The following ACCSL variants were observed in gnomAD, a reference collection of about 807,000 sequenced individuals.
The protein encoded by ACCSL is probable inactive 1-aminocyclopropane-1-carboxylate synthase-like protein 2.
ACCSL carries 55 observed loss-of-function variants against 61.7 expected under a neutral mutation model. The observed-to-expected ratio is 0.89, with a 90% CI of 0.72 to 1.12. ACCSL has a LOEUF of 1.12. Among genes scored for constraint, ACCSL ranks in the 50% most tolerant of loss-of-function variants. ACCSL has a pLI of 0.00. For missense variants in ACCSL, 632 were observed against 698.0 expected, an observed-to-expected ratio of 0.91 and a Z score of 1.07; for synonymous variants, 258 against 264.3, an observed-to-expected ratio of 0.98 and a Z score of 0.23.
At chr11:43,952,009 A>C in the ACCSL span, among the ~76,000 whole-genome samples, 1 of 149,728 alleles carries the variant, frequency 6.7e-6, no homozygotes, top group Non-Finnish European at 1.5e-5. Flanking sequence ...TCAGAAAAAG[A>C]AAAAAAAAAG....
the ACCSL span, among the ~76,000 whole-genome samples, chr11:43,990,429 G>A: frequency 6.6e-6 from 1 of 152,070 alleles, no homozygotes; most frequent in Non-Finnish European, 1.5e-5. Flanking sequence ...GTTTCCTCGC[G>A]AGGTAGAAGG....
At chr11:43,967,167 C>CTTTTTTTTTTTTTTTTTTTTTTTTT in the ACCSL span, among the ~76,000 whole-genome samples, 1 of 62,694 alleles carries the variant, frequency 1.6e-5, no homozygotes, top group African/African-American at 6.8e-5. Flanking sequence ...TCTTCTTCTT[C>CTTTTTTTTTTTTTTTTTTTTTTTTT]TTTTTTTTTT....
At chr11:44,006,665 C>A in the ACCSL span, among the ~76,000 whole-genome samples, 1 of 151,926 alleles carries the variant, frequency 6.6e-6, no homozygotes, top group African/African-American at 2.4e-5. Context: ...ACCATCACAT[C>A]TGGCTAATTT....
At chr11:44,036,475 C>A in the ACCSL span, among the ~76,000 whole-genome samples, 1 of 152,146 alleles carries the variant, frequency 6.6e-6, no homozygotes, top group Non-Finnish European at 1.5e-5. Context: ...ACCCAGGGCC[C>A]AGTATTACAG....
At chr11:44,025,777 T>A in the ACCSL span, among the ~76,000 whole-genome samples, 1 of 152,338 alleles carries the variant, frequency 6.6e-6, no homozygotes, top group African/African-American at 2.4e-5. Context: ...AGGAATGTCT[T>A]AATTTCTTCT....
chr11:43,921,375 A>C, the ACCSL span, among the ~76,000 whole-genome samples: 1 of 152,158 alleles, frequency 6.6e-6, no homozygotes, highest in East Asian at 1.9e-4. Flanking sequence ...ACAAAAAACA[A>C]ACAAACAAAA....
At chr11:44,005,389 G>A in the ACCSL span, among the ~76,000 whole-genome samples, 1 of 152,160 alleles carries the variant, frequency 6.6e-6, no homozygotes, top group Non-Finnish European at 1.5e-5. Context: ...TGCCTGGGTG[G>A]GGGAGGGGAG....
chr11:43,994,393 T>G, the ACCSL span, among the ~76,000 whole-genome samples: 155 of 152,358 alleles, frequency 1.0e-3, no homozygotes, highest in African/African-American at 3.6e-3. Context: ...AGCCTCTGAC[T>G]GCTTCATCAG....
chr11:44,038,172 A>T, the ACCSL span, among the ~76,000 whole-genome samples: 1 of 152,102 alleles, frequency 6.6e-6, no homozygotes, highest in Non-Finnish European at 1.5e-5. Context: ...GAGCATGAGG[A>T]GCGGGTTGTA....
the ACCSL span, chr11:43,973,746 GA>G: frequency 1.1e-4 from 16 of 152,190 alleles, no homozygotes; most frequent in African/African-American, 3.9e-4. Flanking sequence ...AAAGAATGAT[GA>G]TTTGGGGGTA....
chr11:43,962,084 T>C, the ACCSL span, among the ~76,000 whole-genome samples: 19 of 152,178 alleles, frequency 1.2e-4, no homozygotes, highest in Non-Finnish European at 2.1e-4. Context: ...CTTCCACCTG[T>C]AACATCTCTC....
At chr11:43,988,680 A>G in the ACCSL span, among the ~76,000 whole-genome samples, 1 of 152,016 alleles carries the variant, frequency 6.6e-6, no homozygotes, top group African/African-American at 2.4e-5. Flanking sequence ...TTAAGCAAGC[A>G]GGCCACTCGG....
chr11:44,054,332 C>G (rs950876673), intron 8 of ACCSL, among the ~76,000 whole-genome samples: 4 of 152,120 alleles, frequency 2.6e-5, no homozygotes, highest in Non-Finnish European at 4.4e-5. Flanking sequence ...AGGAAAAATG[C>G]TAGAGGGGGT....
chr11:43,991,915 C>T, the ACCSL span, among the ~76,000 whole-genome samples: 1 of 152,160 alleles, frequency 6.6e-6, no homozygotes, highest in African/African-American at 2.4e-5. Flanking sequence ...TTGGTCCCTT[C>T]ATATCTCTTA....
chr11:43,968,375 C>T, the ACCSL span, among the ~76,000 whole-genome samples: 1 of 152,044 alleles, frequency 6.6e-6, no homozygotes, highest in African/African-American at 2.4e-5. Context: ...CCCCCCAACC[C>T]CCGCAAGCAA....
At chr11:43,939,316 A>G in the ACCSL span, among the ~76,000 whole-genome samples, 21,147 of 152,250 alleles carry the variant, frequency 0.14, 2,005 homozygotes, top group Middle Eastern at 0.29. Flanking sequence ...GGCTAAGCCA[A>G]TGCCACATAT....
At chr11:43,940,045 A>G in the ACCSL span, among the ~76,000 whole-genome samples, 1,209 of 152,306 alleles carry the variant, frequency 7.9e-3, 15 homozygotes, top group African/African-American at 0.028. Flanking sequence ...CCAAGCCTTC[A>G]GTGTTGTGAG....
the ACCSL span, among the ~76,000 whole-genome samples, chr11:43,937,220 G>A: frequency 2.0e-5 from 3 of 152,204 alleles, no homozygotes; most frequent in Admixed American, 6.5e-5. Context: ...TCTGTGCTGG[G>A]TGCTGGAAAG....
At chr11:44,022,119 G>T in the ACCSL span, among the ~76,000 whole-genome samples, 1 of 152,046 alleles carries the variant, frequency 6.6e-6, no homozygotes, top group South Asian at 2.1e-4. Context: ...GGTTTCATAT[G>T]AAGTTTAGGG....
Sources: gnomAD v4.1 joint callset for allele counts (sites outside exome capture counted in the v4.1 genomes callset) on GRCh38, gnomAD v4.1.1 for gene constraint, MANE v1.5 for transcripts, NCBI Gene and HGNC (gene_info 2026-07-23, HGNC 2026-07-21) for gene names.